MAP1B: variants seen among roughly 807,000 people sequenced by gnomAD.
The protein encoded by MAP1B is microtubule associated protein 1B.
In MAP1B, 12 loss-of-function variants were observed where a neutral mutation model predicts 176.1. The ratio of observed to expected loss-of-function variants is 0.07; its 90% confidence interval spans 0.04 to 0.11. The LOEUF (loss-of-function observed/expected upper bound fraction) is 0.11. Among genes scored for constraint, MAP1B ranks in the 10% least tolerant of loss-of-function variants. The pLI is 1.00. For missense variants in MAP1B, 2,523 were observed against 2,990.5 expected (o/e 0.84, Z 3.65); for synonymous variants, 1,044 against 1,135.0 (o/e 0.92, Z 1.61).
chr5:72,120,116 A>G (rs1246162825), intron 2 of MAP1B, among the ~76,000 whole-genome samples: 2 of 152,248 alleles, frequency 1.3e-5, no homozygotes, highest in African/African-American at 2.4e-5. Flanking sequence ...ATCATTTTGA[A>G]ACAAGCAAAC....
chr5:72,148,952 G>A (rs905237939), intron 2 of MAP1B, among the ~76,000 whole-genome samples: 4 of 152,028 alleles, frequency 2.6e-5, no homozygotes, highest in African/African-American at 9.7e-5. Flanking sequence ...TCCCTCTTCA[G>A]GACCCAGCCT....
At chr5:72,122,641 CTTT>C (rs35175622) in intron 2 of MAP1B, among the ~76,000 whole-genome samples, 2 of 138,618 alleles carry the variant, frequency 1.4e-5, no homozygotes, top group Non-Finnish European at 1.6e-5. Flanking sequence ...ATTCATCTCA[CTTT>C]TTTTTTTTTT....
chr5:72,205,304 A>G lies in MAP1B; in HGVS notation c.*65A>G. ...TCCAGAAATTCTTCAATTTGAAATC[A>G]CCTTTTCTAAAAAGTCAATTCATCT... On this transcript the variant is annotated 3_prime_UTR_variant, in exon 7 of 7. Transcript: ENST00000296755. 6.5e-7 allele frequency: 1 copy of G among 1,526,932 alleles called. No homozygotes were observed. Among genetic ancestry groups the G allele is most frequent in the Non-Finnish European group, 8.9e-7 (1 of 1,121,778 alleles). 94.6% of individuals were successfully genotyped at this position (1,526,932 alleles called of 1,614,324 possible).
intron 1 of MAP1B, among the ~76,000 whole-genome samples, chr5:72,114,813 G>A (rs1048409138): frequency 3.3e-5 from 5 of 152,138 alleles, no homozygotes; most frequent in African/African-American, 7.2e-5. Context: ...CCCTCATCCC[G>A]CCTCTTGCCC....
At chr5:72,176,953 G>C (rs1181915479) in intron 2 of MAP1B, among the ~76,000 whole-genome samples, 4 of 152,194 alleles carry the variant, frequency 2.6e-5, no homozygotes. Context: ...TACCTCCAGG[G>C]CTAGGAGTTT....
At chr5:72,188,593 A>G (rs1746962912) in intron 4 of MAP1B, among the ~76,000 whole-genome samples, 1 of 152,226 alleles carries the variant, frequency 6.6e-6, no homozygotes, top group South Asian at 2.1e-4. Context: ...TGCATCTCAA[A>G]TAATATCCCT....
intron 2 of MAP1B, among the ~76,000 whole-genome samples, chr5:72,138,119 C>G (rs1404474112): frequency 6.6e-6 from 1 of 152,080 alleles, no homozygotes; most frequent in Non-Finnish European, 1.5e-5. Context: ...AGTTTAATAT[C>G]CTTATGATAT....
chr5:72,203,415 A>C, intron 5 of MAP1B, 148 bp from the exon 6 acceptor site: 1 of 687,012 alleles, frequency 1.5e-6, no homozygotes, highest in Non-Finnish European at 2.7e-6. Context: ...ATTACCAGGG[A>C]GATGGAAATG....
At chr5:72,122,565 G>A (rs1349484257) in intron 2 of MAP1B, among the ~76,000 whole-genome samples, 1 of 151,632 alleles carries the variant, frequency 6.6e-6, no homozygotes, top group Non-Finnish European at 1.5e-5. Context: ...TCACTGCCAT[G>A]TTCAGGCTTC....
intron 1 of MAP1B, among the ~76,000 whole-genome samples, chr5:72,108,309 G>A (rs1452772329): frequency 6.6e-6 from 1 of 152,108 alleles, no homozygotes; most frequent in Non-Finnish European, 1.5e-5. Flanking sequence ...TCCCCGGGGA[G>A]ATGCTGGGAT....
At chr5:72,168,221 C>T (rs927385746) in intron 2 of MAP1B, among the ~76,000 whole-genome samples, 3 of 152,244 alleles carry the variant, frequency 2.0e-5, no homozygotes, top group African/African-American at 4.8e-5. Context: ...TCCAGCTTCT[C>T]CAGCAACAGC....
rs763790253 is a variant in MAP1B at position 72,186,311 on chromosome 5, AAG to A, written c.370-300_370-299del. On this transcript the variant is annotated intron_variant, in intron 3 of 6. Coordinates refer to ENST00000296755, the MANE Select transcript of MAP1B (RefSeq NM_005909.5). The surrounding 1 kb of genome is among the most constrained non-coding windows in gnomAD (Gnocchi z 4.3). ...ACCAGCTGTGAAGACTGCTTTGAAA[AAG>A]AGGAGGAAACTAGGGGGAGAAAGTC... 1.4e-4 allele frequency among the ~76,000 whole-genome samples: 21 copies of A among 152,186 alleles called. No individual in the cohort carries two copies. Among genetic ancestry groups the A allele is most frequent in the Non-Finnish European group, 2.8e-4 (19 of 68,028 alleles).
At chr5:72,179,331 G>A (rs1746718327) in intron 2 of MAP1B, among the ~76,000 whole-genome samples, 1 of 152,210 alleles carries the variant, frequency 6.6e-6, no homozygotes, top group Non-Finnish European at 1.5e-5. Flanking sequence ...TTCCCTGTGA[G>A]GTGTCGAATG....
rs1580025858 is a variant in MAP1B at position 72,198,138 on chromosome 5, G to T, written c.4783G>T (p.Val1595Leu). Reference protein sequence around the residue: ...EVDDSLSVSVVQTPTTFQETE... With the variant: ...EVDDSLSVSVLQTPTTFQETE... ...AGATGACTCCCTTTCAGTGTCTGTT[G>T]TGCAAACACCTACCACATTCCAGGA... is the stretch of plus-strand genomic sequence containing the variant. Residue 1595 changes from valine (V) to leucine (L), a missense_variant, in exon 5 of 7, where the codon GTG (valine) becomes TTG (leucine). By Grantham distance (32) the Val-to-Leu change is conservative. Coordinates refer to ENST00000296755, the MANE Select transcript of MAP1B (RefSeq NM_005909.5). 3 of 1,614,142 alleles carry T rather than the reference G, an allele frequency of 1.9e-6. No individual in the cohort carries two copies. The highest frequency in any genetic ancestry group is 1.6e-4 in the Middle Eastern group (1 of 6,062).
intron 5 of MAP1B, among the ~76,000 whole-genome samples, chr5:72,202,902 C>T (rs1010887197): frequency 6.6e-6 from 1 of 152,154 alleles, no homozygotes; most frequent in Non-Finnish European, 1.5e-5. Context: ...CCTTCCTTTG[C>T]CCAAGTTTGG....
At chr5:72,193,817 G>A in intron 4 of MAP1B, 49 bp from the exon 5 acceptor site, 1 of 1,503,918 alleles carries the variant, frequency 6.6e-7, no homozygotes, top group Non-Finnish European at 8.9e-7. Context: ...GATCAGTGAT[G>A]ATAATCACTT....
At chr5:72,126,396 T>A (rs1243645778) in intron 2 of MAP1B, among the ~76,000 whole-genome samples, 1 of 152,244 alleles carries the variant, frequency 6.6e-6, no homozygotes, top group Admixed American at 6.5e-5. Context: ...GTGACTTAAG[T>A]TTGAAAACTG....
intron 1 of MAP1B, among the ~76,000 whole-genome samples, chr5:72,113,248 A>G (rs1745376012): frequency 6.6e-6 from 1 of 152,224 alleles, no homozygotes; most frequent in Middle Eastern, 3.2e-3. Flanking sequence ...GGCAAATCCA[A>G]CATAACCTTT....
intron 2 of MAP1B, among the ~76,000 whole-genome samples, chr5:72,143,329 G>T (rs560270089): frequency 6.6e-5 from 10 of 152,296 alleles, no homozygotes; most frequent in African/African-American, 2.4e-4. Context: ...GGGCTATGGG[G>T]TGAGGCAGTA....
Sources: gnomAD v4.1 joint callset for allele counts (sites outside exome capture counted in the v4.1 genomes callset) on GRCh38, gnomAD v4.1.1 for gene constraint, Gnocchi (gnomAD v3.1) non-coding constraint, MANE v1.5 for transcripts, NCBI Gene and HGNC (gene_info 2026-07-23, HGNC 2026-07-21) for gene names.